ALK: variants seen among roughly 807,000 people sequenced by gnomAD.
ALK encodes ALK tyrosine kinase receptor.
In ALK, 74 loss-of-function variants were observed where a neutral mutation model predicts 163.1. The ratio of observed to expected loss-of-function variants is 0.45; its 90% CI spans 0.38 to 0.55. ALK has a LOEUF of 0.55. Ranked by LOEUF, ALK falls within the 20% of genes least tolerant of loss-of-function variation. The pLI is 0.00. For missense variants in ALK, 2,063 were observed against 2,105.3 expected (o/e 0.98, Z 0.39); for synonymous variants, 960 against 843.2 (o/e 1.14, Z -2.40).
At chr2:29,789,320 G>C (rs76031110) in intron 1 of ALK, among the ~76,000 whole-genome samples, 1 of 152,158 alleles carries the variant, frequency 6.6e-6, no homozygotes, top group East Asian at 1.9e-4. Context: ...CCTTGTAAAA[G>C]GCAAGGTCTA....
intron 5 of ALK, among the ~76,000 whole-genome samples, chr2:29,336,311 T>C (rs1032766017): frequency 6.6e-6 from 1 of 152,198 alleles, no homozygotes; most frequent in African/African-American, 2.4e-5. Flanking sequence ...GTCGACTTTA[T>C]TAATGCTGGC....
At chr2:29,443,037 T>C (rs1670585522) in intron 4 of ALK, among the ~76,000 whole-genome samples, 2 of 152,202 alleles carry the variant, frequency 1.3e-5, no homozygotes, top group Admixed American at 1.3e-4. Context: ...AGGATGACTG[T>C]GGAACAGAGA....
At chr2:29,232,181 T>C (rs1229673892) in intron 15 of ALK, 123 bp downstream of exon 15, 2 of 1,360,422 alleles carry the variant, frequency 1.5e-6, no homozygotes, top group Non-Finnish European at 2.1e-6. Flanking sequence ...TCGGTACCAA[T>C]ATTCAGAGCT....
chr2:29,872,089 C>T (rs1305750825), intron 1 of ALK, among the ~76,000 whole-genome samples: 1 of 152,196 alleles, frequency 6.6e-6, no homozygotes, highest in Non-Finnish European at 1.5e-5. Flanking sequence ...AAACCTCACA[C>T]TCTCCACTTG....
chr2:29,258,536 T>C (rs1665007210), intron 11 of ALK, among the ~76,000 whole-genome samples: 1 of 152,252 alleles, frequency 6.6e-6, no homozygotes, highest in African/African-American at 2.4e-5. Context: ...GAATTATTTC[T>C]CCTTATGTAT....
At chr2:29,444,281 G>C (rs746488659) in intron 4 of ALK, among the ~76,000 whole-genome samples, 5 of 152,166 alleles carry the variant, frequency 3.3e-5, no homozygotes, top group Non-Finnish European at 7.3e-5. Context: ...GAAGAATGTG[G>C]AATGATACTG....
At chr2:29,446,175 C>CAA (rs371086242) in intron 4 of ALK, among the ~76,000 whole-genome samples, 4 of 131,882 alleles carry the variant, frequency 3.0e-5, no homozygotes, top group Non-Finnish European at 5.0e-5. Context: ...AAACAAACAA[C>CAA]AAAAAAAATG....
At chr2:29,857,980 G>A (rs13027996) in intron 1 of ALK, among the ~76,000 whole-genome samples, 68,739 of 152,074 alleles carry the variant, frequency 0.45, 16,161 homozygotes, top group Non-Finnish European at 0.5. Context: ...GCATAACCAG[G>A]ATACTGACAT....
chr2:29,408,006 T>G (rs1418163957), intron 4 of ALK, among the ~76,000 whole-genome samples: 1 of 151,730 alleles, frequency 6.6e-6, no homozygotes. Context: ...CCCACCATGA[T>G]CAAAGGAGAA....
chr2:29,355,961 C>G (rs1668236464), intron 5 of ALK, among the ~76,000 whole-genome samples: 1 of 152,174 alleles, frequency 6.6e-6, no homozygotes, highest in South Asian at 2.1e-4. Flanking sequence ...ATCTGGAGAC[C>G]TCACAGTGGT....
chr2:29,781,685 A>C (rs1051656548), intron 1 of ALK, among the ~76,000 whole-genome samples: 6 of 152,200 alleles, frequency 3.9e-5, no homozygotes, highest in African/African-American at 1.4e-4. Context: ...TGTAAGCCAT[A>C]AAGTAGTAGC....
chr2:29,318,310 T>G lies in ALK; in HGVS notation c.1641A>C (p.Pro547=), dbSNP rs1488980653. Residue 547 remains proline, a synonymous_variant, in exon 8 of 29, where the codon CCA becomes CCC. Coordinates refer to ENST00000389048, the MANE Select transcript of ALK (RefSeq NM_004304.5). The part of the protein sequence containing the change: ...ATFPAPIKSS[P]CELRMSWLIR... ...GAGAAACAAGGAGACTTGCCTCACA[T>G]GGAGAGCTCTTGATCGGTGCAGGAA... 6.2e-7 allele frequency: 1 copy of G among 1,611,916 alleles called. No individual in the cohort carries two copies. The highest frequency in any genetic ancestry group is 8.5e-7 in the Non-Finnish European group (1 of 1,178,124).
chr2:29,404,585 A>G (rs777174835), intron 4 of ALK, among the ~76,000 whole-genome samples: 31 of 152,212 alleles, frequency 2.0e-4, no homozygotes, highest in Non-Finnish European at 4.4e-4. Flanking sequence ...AGTATGAAAT[A>G]AAAAGCAAAT....
rs547071536 is a variant in ALK at position 29,551,215 on chromosome 2, A to G, written c.953-19099T>C. 6.6e-5 allele frequency among the ~76,000 whole-genome samples: 10 copies of G among 152,282 alleles called. No homozygotes were observed. The South Asian group carries it at 2.1e-3, about 32-fold the overall frequency. On this transcript the variant is annotated intron_variant, in intron 3 of 28. Coordinates refer to ENST00000389048, the MANE Select transcript of ALK (RefSeq NM_004304.5). ...CATGTTTGCAAAGTTTCCCAGCATT[A>G]TTTACGGGAGTAAATATTTAGAAAT...
At chr2:29,806,593 C>G (rs1441355278) in intron 1 of ALK, among the ~76,000 whole-genome samples, 3 of 152,130 alleles carry the variant, frequency 2.0e-5, no homozygotes, top group Non-Finnish European at 4.4e-5. Context: ...CCTCACCTGG[C>G]AGGATTTTCT....
chr2:29,211,666 A>G (rs758322806), intron 24 of ALK, among the ~76,000 whole-genome samples: 1 of 152,234 alleles, frequency 6.6e-6, no homozygotes, highest in African/African-American at 2.4e-5. Flanking sequence ...GTGGAGGGAG[A>G]GAGAGAATTC....
At chr2:29,738,757 T>G (rs1344361616) in intron 1 of ALK, among the ~76,000 whole-genome samples, 1 of 152,078 alleles carries the variant, frequency 6.6e-6, no homozygotes, top group Admixed American at 6.5e-5. Context: ...AGGAACACCA[T>G]GCCATGAGCC....
intron 4 of ALK, among the ~76,000 whole-genome samples, chr2:29,473,902 T>C (rs1202291129): frequency 6.6e-6 from 1 of 151,164 alleles, no homozygotes; most frequent in African/African-American, 2.4e-5. Flanking sequence ...CCAGAATGGC[T>C]AAAAACAAAC....
intron 3 of ALK, among the ~76,000 whole-genome samples, chr2:29,640,091 G>A (rs1317643948): frequency 1.3e-5 from 2 of 152,182 alleles, no homozygotes; most frequent in Non-Finnish European, 2.9e-5. Flanking sequence ...TTAGACAGAG[G>A]GAGGTCCAGT....
Sources: allele counts gnomAD v4.1 joint callset (sites outside exome capture counted in the v4.1 genomes callset), GRCh38; gene constraint gnomAD v4.1.1; transcripts MANE v1.5; gene names NCBI Gene and HGNC (gene_info 2026-07-23, HGNC 2026-07-21).